The following ZNF558 variants were observed in gnomAD, a reference collection of about 807,000 sequenced individuals.
ZNF558 encodes the protein zinc finger protein 558.
Under a neutral mutation model 37.6 loss-of-function variants are expected in ZNF558, and 23 were observed. That is an observed-to-expected ratio of 0.61 (90% CI 0.44 to 0.87). ZNF558 has a LOEUF of 0.87. ZNF558 is among the 40% of genes least tolerant of loss of function. The pLI is 0.00. For synonymous variants in ZNF558, 189 were observed against 174.4 expected (o/e 1.08, Z -0.66); for missense variants, 429 against 483.7 (o/e 0.89, Z 1.06).
chr19:8,830,398 T>G (rs1163193281), intron 2 of ZNF558, among the ~76,000 whole-genome samples: 2 of 152,148 alleles, frequency 1.3e-5, no homozygotes, highest in Non-Finnish European at 2.9e-5. Context: ...TGGAAACCAG[T>G]TCCCTACCCT....
rs2043705241 is a variant in ZNF558, at chr19:8,806,527, T to G, written c.*4754A>C. The G allele has an allele frequency of 6.6e-6, 1 of 152,034 alleles. No individual in the cohort carries two copies. The highest frequency in any genetic ancestry group is 1.5e-5 in the Non-Finnish European group (1 of 68,022). The allele number at this position is 152,034 out of a possible 1,614,324, so 9.4% of individuals were successfully genotyped here. On this transcript the variant is annotated 3_prime_UTR_variant, in exon 10 of 10. Transcript: ENST00000601372. ...CATCCTGGCCAACATGGTGAAACCC[T>G]GTCTCCACTAAAAATACAAAAATTA...
At chr19:8,825,502 C>A (rs2044210732) in intron 2 of ZNF558, among the ~76,000 whole-genome samples, 1 of 152,026 alleles carries the variant, frequency 6.6e-6, no homozygotes, top group Admixed American at 6.6e-5. Flanking sequence ...GAGATTATCT[C>A]CAATAAATTT....
Position 8,824,823 on chromosome 19 carries a change from G to A in ZNF558, c.-402+179C>T, listed in dbSNP as rs754222579. ...CCTGATGTGGCATCTTCTGTAGTGC[G>A]ATGAGCCCATCCTTGGGGTACAGCT... On this transcript the variant is annotated intron_variant, in intron 3 of 9. Coordinates refer to ENST00000601372, the MANE Select transcript of ZNF558 (RefSeq NM_144693.3). Among the ~76,000 whole-genome samples, 79 of 152,098 alleles carry A rather than the reference G, an allele frequency of 5.2e-4. 1 individual carries two copies. Among genetic ancestry groups the A allele is most frequent in the Non-Finnish European group, 1.9e-4 (13 of 68,032 alleles).
chr19:8,822,103 G>A lies in ZNF558; in HGVS notation c.32-12C>T. On this transcript the variant is annotated splice_polypyrimidine_tract_variant and intron_variant, in intron 5 of 9. Transcript: ENST00000601372. This position sits in a 1 kb window ranked among gnomAD's most constrained non-coding sequence, Gnocchi z 4.4. ...CAGGGAAGACGGAGCTGGAGGAGGA[G>A]AAATGAGTCCCATGGATTCAGGCTT... The A allele has an allele frequency of 6.2e-7, 1 of 1,613,874 alleles. No individual in the cohort carries two copies. The highest frequency in any genetic ancestry group is 1.1e-5 in the South Asian group (1 of 91,066).
At chr19:8,827,102 C>A (rs1028138075) in intron 2 of ZNF558, among the ~76,000 whole-genome samples, 1 of 147,144 alleles carries the variant, frequency 6.8e-6, no homozygotes, top group Non-Finnish European at 1.5e-5. Flanking sequence ...TCAAGGCTGT[C>A]TGGAAGCAGA....
upstream of ZNF558, among the ~76,000 whole-genome samples, chr19:8,833,855 C>T (rs566672124): frequency 2.0e-5 from 3 of 151,888 alleles, no homozygotes; most frequent in East Asian, 1.9e-4. Context: ...GGCGTGGTGG[C>T]GGATGCCTTG....
In ZNF558 at chr19:8,818,180, G is replaced by A. The variant is rs1037867086; in HGVS notation, c.247+3000C>T. Among the ~76,000 whole-genome samples, 7 of 152,160 alleles carry A rather than the reference G, an allele frequency of 4.6e-5. 1 individual carries two copies. Among genetic ancestry groups the A allele is most frequent in the South Asian group, 4.1e-4 (2 of 4,828 alleles). ...TTAAAAATGAGTAACAGGGCCAGGC[G>A]CAGTGGCTCACGCCTGAAATCCCAG... On this transcript the variant is annotated intron_variant, in intron 7 of 9. Transcript: ENST00000601372.
chr19:8,826,558 T>C (rs975307157), intron 2 of ZNF558, among the ~76,000 whole-genome samples: 5 of 152,016 alleles, frequency 3.3e-5, no homozygotes, highest in Non-Finnish European at 5.9e-5. Flanking sequence ...CTGCCACTGA[T>C]CGGCCAGGAG....
In ZNF558 at chr19:8,822,829, G is replaced by T. The variant is rs1376973191; in HGVS notation, c.-65-105C>A. Reference sequence around the variant, plus strand: ...CCTTCCCATCCTTCTTCAAATGCAAGTTCCGGCTTCCACACTGGGCCTTTA... The same window carrying T: ...CCTTCCCATCCTTCTTCAAATGCAATTTCCGGCTTCCACACTGGGCCTTTA... On this transcript the variant is annotated intron_variant, in intron 4 of 9. Transcript: ENST00000601372. This position sits in a 1 kb window ranked among gnomAD's most constrained non-coding sequence, Gnocchi z 4.4. 2.9e-6 allele frequency: 3 copies of T among 1,034,232 alleles called. No individual in the cohort carries two copies. Among genetic ancestry groups the T allele is most frequent in the Non-Finnish European group, 4.2e-6 (3 of 707,730 alleles). The allele number at this position is 1,034,232 out of a possible 1,614,324, so 64.1% of individuals were successfully genotyped here. A position where few individuals can be genotyped will look rare whatever the true frequency, so the allele number is the denominator to read the frequency against.
chr19:8,817,920 G>C (rs2043980593), intron 7 of ZNF558, among the ~76,000 whole-genome samples: 1 of 151,978 alleles, frequency 6.6e-6, no homozygotes, highest in Admixed American at 6.6e-5. Context: ...TTCAATAATG[G>C]ATAAAACAAC....
chr19:8,827,666 C>T (rs1187110750), intron 2 of ZNF558, among the ~76,000 whole-genome samples: 1 of 151,296 alleles, frequency 6.6e-6, no homozygotes, highest in East Asian at 1.9e-4. Context: ...CTCAGCCTCC[C>T]AGGTTCAAGC....
chr19:8,821,727 G>C, intron 6 of ZNF558: 1 of 1,305,988 alleles, frequency 7.7e-7, no homozygotes, highest in Non-Finnish European at 9.8e-7. Flanking sequence ...TTAATTGCTT[G>C]GGTTTAGAAC....
At chr19:8,813,748 T>C (rs1443277398) in intron 7 of ZNF558, among the ~76,000 whole-genome samples, 1 of 152,222 alleles carries the variant, frequency 6.6e-6, no homozygotes, top group African/African-American at 2.4e-5. Flanking sequence ...TTCAGGGTGA[T>C]AGGGCATAAA....
intron 7 of ZNF558, among the ~76,000 whole-genome samples, chr19:8,815,047 T>C (rs565033048): frequency 5.1e-5 from 2 of 39,478 alleles, no homozygotes; most frequent in African/African-American, 2.9e-4. Context: ...TATTATAATA[T>C]TCCAAATACC....
intron 2 of ZNF558, among the ~76,000 whole-genome samples, chr19:8,828,052 C>G (rs2044271538): frequency 6.6e-6 from 1 of 152,180 alleles, no homozygotes; most frequent in African/African-American, 2.4e-5. Context: ...CATCTGACCC[C>G]AACTTGGAGA....
chr19:8,820,842 A>G (rs1039419162), intron 7 of ZNF558, among the ~76,000 whole-genome samples: 14 of 152,332 alleles, frequency 9.2e-5, no homozygotes, highest in African/African-American at 3.4e-4. Flanking sequence ...GTATTTTGTA[A>G]TTACATTTAT....
At chr19:8,830,857 T>C (rs1475949290) in intron 2 of ZNF558, 2 of 151,428 alleles carry the variant, frequency 1.3e-5, no homozygotes, top group Non-Finnish European at 2.9e-5. Flanking sequence ...ATCGCGCCAC[T>C]GCACTCCAAC....
In ZNF558 at chr19:8,811,946, A is replaced by G. The variant is rs2145183338; in HGVS notation, c.544T>C (p.Cys182Arg). 1.2e-6 allele frequency: 2 copies of G among 1,614,100 alleles called. No homozygotes were observed. Among genetic ancestry groups the G allele is most frequent in the Non-Finnish European group, 1.7e-6 (2 of 1,180,012 alleles). ...CTGAAGGACTTCCCACATTGACTAC[A>G]GTCATAGGGTTTTTCTCCAGTATGA... ...RIHTGEKPYD[C>R]SQCGKSFSSR... The change falls in exon 10 of 10, where the codon TGT (cysteine) becomes CGT (arginine). Residue 182 changes from cysteine (C) to arginine (R), a missense_variant. Coordinates refer to ENST00000601372, the MANE Select transcript of ZNF558 (RefSeq NM_144693.3).
chr19:8,814,780 G>A (rs2043889437), intron 7 of ZNF558, among the ~76,000 whole-genome samples: 1 of 152,086 alleles, frequency 6.6e-6, no homozygotes, highest in Admixed American at 6.6e-5. Flanking sequence ...ATCACTATAT[G>A]ACCATTACGC....
Sources: allele counts gnomAD v4.1 joint callset (sites outside exome capture counted in the v4.1 genomes callset), GRCh38; gene constraint gnomAD v4.1.1; non-coding constraint Gnocchi (gnomAD v3.1); transcripts MANE v1.5; gene names NCBI Gene and HGNC (gene_info 2026-07-23, HGNC 2026-07-21).